BPNT2: variants seen among roughly 807,000 people sequenced by gnomAD.
BPNT2 encodes the protein 3'(2'), 5'-bisphosphate nucleotidase 2.
Under a neutral mutation model 29.3 loss-of-function variants are expected in BPNT2, and 11 were observed. The ratio of observed to expected loss-of-function variants is 0.38; its 90% CI spans 0.24 to 0.62. The LOEUF (loss-of-function observed/expected upper bound fraction) is 0.62. Among genes scored for constraint, BPNT2 ranks in the 20% least tolerant of loss-of-function variants. BPNT2 has a pLI of 0.62. For missense variants in BPNT2, 459 were observed against 473.4 expected, an observed-to-expected ratio of 0.97 and a Z score of 0.28; for synonymous variants, 195 against 187.7, an observed-to-expected ratio of 1.04 and a Z score of -0.32.
At position 56,961,300 on chromosome 8, in the gene BPNT2, T is replaced by C. The variant is rs1196151601; in HGVS notation, c.*2493A>G. 2 of 152,336 alleles carry C rather than the reference T, an allele frequency of 1.3e-5. No homozygotes were observed. Among genetic ancestry groups the C allele is most frequent in the African/African-American group, 2.4e-5 (1 of 41,578 alleles). 9.4% of individuals were successfully genotyped at this position (152,336 alleles called of 1,614,324 possible). Reference sequence around the variant, plus strand: ...TCTGGGAGATAACATTACTCATTCATGAAGGTGTTTTACTAGGATGCTATG... The same window carrying C: ...TCTGGGAGATAACATTACTCATTCACGAAGGTGTTTTACTAGGATGCTATG... On this transcript the variant is annotated 3_prime_UTR_variant, in exon 5 of 5. Transcript: ENST00000262644.
At chr8:56,970,549 C>T (rs1404401432) in intron 3 of BPNT2, among the ~76,000 whole-genome samples, 2 of 152,122 alleles carry the variant, frequency 1.3e-5, no homozygotes, top group Non-Finnish European at 2.9e-5. Context: ...AAAATAAATG[C>T]TTGTTGGTTG....
intron 3 of BPNT2, among the ~76,000 whole-genome samples, chr8:56,973,193 C>A (rs1353716564): frequency 3.9e-5 from 6 of 152,120 alleles, no homozygotes; most frequent in Non-Finnish European, 7.4e-5. Context: ...GAGTACTGGA[C>A]AATGCCCCTG....
chr8:56,966,867 G>C (rs1057002671), intron 3 of BPNT2, among the ~76,000 whole-genome samples: 11 of 152,112 alleles, frequency 7.2e-5, no homozygotes, highest in Admixed American at 2.0e-4. Context: ...ATATACTCAT[G>C]GTTTCAATTA....
At chr8:56,980,594 G>A (rs1034005611) in intron 1 of BPNT2, among the ~76,000 whole-genome samples, 3 of 150,348 alleles carry the variant, frequency 2.0e-5, no homozygotes, top group African/African-American at 4.9e-5. Context: ...GAAGAAAGAC[G>A]TATCATAGAA....
At chr8:56,975,224 A>C (rs1020698724) in intron 3 of BPNT2, among the ~76,000 whole-genome samples, 11 of 152,138 alleles carry the variant, frequency 7.2e-5, no homozygotes, top group Non-Finnish European at 1.0e-4. Flanking sequence ...CCTTCTAAGA[A>C]AAAAAAGCAA....
At chr8:56,972,069 G>C (rs371345600) in intron 3 of BPNT2, among the ~76,000 whole-genome samples, 1 of 151,130 alleles carries the variant, frequency 6.6e-6, no homozygotes, top group Non-Finnish European at 1.5e-5. Flanking sequence ...CACTCCAGCC[G>C]AGCGAGACTC....
intron 1 of BPNT2, among the ~76,000 whole-genome samples, chr8:56,987,179 C>T (rs1189489529): frequency 6.6e-6 from 1 of 152,092 alleles, no homozygotes; most frequent in African/African-American, 2.4e-5. Flanking sequence ...AAGAAGGAAT[C>T]GATCATTTAC....
At chr8:56,982,721 T>TA (rs1200274789) in intron 1 of BPNT2, among the ~76,000 whole-genome samples, 1 of 151,846 alleles carries the variant, frequency 6.6e-6, no homozygotes, top group Non-Finnish European at 1.5e-5. Flanking sequence ...AAAGGACTGT[T>TA]AGAGAGTAGT....
intron 1 of BPNT2, among the ~76,000 whole-genome samples, chr8:56,981,756 A>C (rs1476967481): frequency 1.3e-5 from 2 of 152,076 alleles, no homozygotes; most frequent in African/African-American, 4.8e-5. Flanking sequence ...CACACACACA[A>C]GAAAAAATGT....
At chr8:56,988,139 A>G (rs1158292479) in intron 1 of BPNT2, among the ~76,000 whole-genome samples, 1 of 152,220 alleles carries the variant, frequency 6.6e-6, no homozygotes, top group African/African-American at 2.4e-5. Context: ...ATATAGCTCT[A>G]TAAACAATTA....
chr8:56,964,341 C>T, intron 4 of BPNT2: 1 of 283,306 alleles, frequency 3.5e-6, no homozygotes, highest in Non-Finnish European at 6.8e-6. Flanking sequence ...CTCTGTCACT[C>T]AGGCTGGAGT....
chr8:56,982,249 A>G (rs1806258058), intron 1 of BPNT2, among the ~76,000 whole-genome samples: 1 of 151,532 alleles, frequency 6.6e-6, no homozygotes, highest in African/African-American at 2.4e-5. Context: ...TCAGCCTCCG[A>G]GTAGCTGGCA....
intron 3 of BPNT2, among the ~76,000 whole-genome samples, chr8:56,968,452 T>G (rs900895844): frequency 1.4e-5 from 2 of 142,154 alleles, no homozygotes; most frequent in African/African-American, 5.2e-5. Context: ...AAAAGAAAAA[T>G]TAATGGGATA....
At position 56,958,136 on chromosome 8, in the gene BPNT2, TAACAA is replaced by T. The variant is rs1392258843; in HGVS notation, c.*5652_*5656del. On this transcript the variant is annotated 3_prime_UTR_variant, in exon 5 of 5. Coordinates refer to ENST00000262644, the MANE Select transcript of BPNT2 (RefSeq NM_017813.5). ...TGATAATCATAAATATTTGCAAAGG[TAACAA>T]AACAAACAACCAGCTTATACAACCA... The T allele has an allele frequency of 6.6e-6, 1 of 152,036 alleles. No individual in the cohort carries two copies. The highest frequency in any genetic ancestry group is 1.5e-5 in the Non-Finnish European group (1 of 68,002). The allele number at this position is 152,036 out of a possible 1,614,324, so 9.4% of individuals were successfully genotyped here.
Position 56,958,716 on chromosome 8 carries a change from C to G in BPNT2, c.*5077G>C, listed in dbSNP as rs545926971. On this transcript the variant is annotated 3_prime_UTR_variant, in exon 5 of 5. Coordinates refer to ENST00000262644, the MANE Select transcript of BPNT2 (RefSeq NM_017813.5). ...ATACATCTAGTTCCTGAAGTCCACA[C>G]TGCCAAAAGGGAAAAACAAGAAAAA... 1.3e-5 allele frequency: 2 copies of G among 152,304 alleles called. No individual in the cohort carries two copies. Among genetic ancestry groups the G allele is most frequent in the African/African-American group, 4.8e-5 (2 of 41,560 alleles). 9.4% of individuals were successfully genotyped at this position (152,304 alleles called of 1,614,324 possible). A position where few individuals can be genotyped will look rare whatever the true frequency, so the allele number is the denominator to read the frequency against.
At chr8:56,971,755 T>C (rs1463589769) in intron 3 of BPNT2, among the ~76,000 whole-genome samples, 1 of 146,720 alleles carries the variant, frequency 6.8e-6, no homozygotes, top group African/African-American at 2.6e-5. Context: ...AAAATTATAG[T>C]ATGTATTACT....
At chr8:56,966,831 T>C (rs1805961549) in intron 3 of BPNT2, among the ~76,000 whole-genome samples, 1 of 152,214 alleles carries the variant, frequency 6.6e-6, no homozygotes, top group Admixed American at 6.5e-5. Flanking sequence ...TTAAAATGCA[T>C]TTTCTCCTAT....
chr8:56,988,479 A>G (rs1164149344), intron 1 of BPNT2, among the ~76,000 whole-genome samples: 3 of 152,258 alleles, frequency 2.0e-5, no homozygotes, highest in African/African-American at 7.2e-5. Flanking sequence ...GAGAAAAGGT[A>G]AAACAAACTT....
At chr8:56,966,063 G>T in intron 4 of BPNT2, 128 bp downstream of exon 4, 2 of 997,264 alleles carry the variant, frequency 2.0e-6, no homozygotes, top group South Asian at 2.7e-5. Context: ...AGGAGACCAA[G>T]CCTGTCTTGA....
Sources: allele counts gnomAD v4.1 joint callset (sites outside exome capture counted in the v4.1 genomes callset), GRCh38; gene constraint gnomAD v4.1.1; transcripts MANE v1.5; gene names NCBI Gene and HGNC (gene_info 2026-07-23, HGNC 2026-07-21).